Variants in WDPCP observed in about 807,000 individuals in gnomAD.
WDPCP encodes WD repeat-containing and planar cell polarity effector protein fritz homolog.
A neutral mutation model predicts 93.1 loss-of-function variants in WDPCP; 71 were observed. The observed-to-expected ratio is 0.76, with a 90% CI of 0.63 to 0.93. The LOEUF (loss-of-function observed/expected upper bound fraction) is 0.93. Among genes scored for constraint, WDPCP ranks in the 40% least tolerant of loss-of-function variants. The pLI is 0.00. For missense variants in WDPCP, 844 were observed against 887.4 expected, an observed-to-expected ratio of 0.95 and a Z score of 0.62; for synonymous variants, 315 against 315.0, an observed-to-expected ratio of 1.00 and a Z score of 0.00.
intron 14 of WDPCP, among the ~76,000 whole-genome samples, chr2:63,225,269 A>C (rs568063192): frequency 6.6e-6 from 1 of 151,882 alleles, no homozygotes; most frequent in Admixed American, 6.6e-5. Flanking sequence ...AGGGCACCTC[A>C]CAAAAGATAT....
Position 63,205,954 on chromosome 2 carries a change from TGTGG to T in WDPCP, c.1916-31126_1916-31123del, listed in dbSNP as rs534019121. ...TTTTCTCATTCGGTATGTTACCAGCTGTGGGTCTGTCATATATGGCTTTTATTAA... is the reference window on the plus strand; with the variant it reads ...TTTTCTCATTCGGTATGTTACCAGCTGTCTGTCATATATGGCTTTTATTAA... On this transcript the variant is annotated intron_variant, in intron 14 of 17. Coordinates refer to ENST00000272321, the MANE Select transcript of WDPCP (RefSeq NM_015910.7). Among the ~76,000 whole-genome samples the T allele has an allele frequency of 5.3e-5, 8 of 152,356 alleles. No homozygotes were observed. The South Asian group carries it at 1.7e-3, about 32-fold the overall frequency.
intron 12 of WDPCP, among the ~76,000 whole-genome samples, chr2:63,357,625 C>T (rs755896343): frequency 2.0e-5 from 3 of 151,988 alleles, no homozygotes; most frequent in Non-Finnish European, 4.4e-5. Flanking sequence ...GGCAAGGTTG[C>T]GGAGAAAAGA....
intron 1 of WDPCP, among the ~76,000 whole-genome samples, chr2:63,567,420 A>G (rs1359602678): frequency 6.6e-6 from 1 of 152,196 alleles, no homozygotes; most frequent in Non-Finnish European, 1.5e-5. Context: ...GACCAAGTAT[A>G]TATTTCATTT....
At chr2:63,798,964 T>G (rs1670657119) in intron 2 of WDPCP, among the ~76,000 whole-genome samples, 1 of 152,190 alleles carries the variant, frequency 6.6e-6, no homozygotes, top group African/African-American at 2.4e-5. Context: ...CAAGAATTAC[T>G]TATTTTGAAT....
chr2:63,508,230 G>A (rs773882005), intron 1 of WDPCP, among the ~76,000 whole-genome samples: 16 of 152,156 alleles, frequency 1.1e-4, no homozygotes, highest in South Asian at 2.1e-4. Flanking sequence ...GGCTAACAGC[G>A]GATCTCTCTG....
intron 2 of WDPCP, among the ~76,000 whole-genome samples, chr2:63,488,066 G>A (rs1035534623): frequency 6.6e-6 from 1 of 151,990 alleles, no homozygotes; most frequent in African/African-American, 2.4e-5. Flanking sequence ...CTTTGCTGGG[G>A]CTACCTAAGA....
intron 15 of WDPCP, among the ~76,000 whole-genome samples, chr2:63,156,715 G>C (rs1049978865): frequency 6.6e-6 from 1 of 152,160 alleles, no homozygotes; most frequent in African/African-American, 2.4e-5. Flanking sequence ...TCTAGCCTGG[G>C]TGACAGAGCG....
chr2:63,599,211 T>C, intron 3 of WDPCP: 1 of 1,613,854 alleles, frequency 6.2e-7, no homozygotes, highest in Non-Finnish European at 8.5e-7. Flanking sequence ...ACTGCCTGAC[T>C]GCTTCCAAGT....
chr2:63,729,905 G>A (rs114002823), intron 2 of WDPCP, among the ~76,000 whole-genome samples: 1 of 152,272 alleles, frequency 6.6e-6, no homozygotes, highest in African/African-American at 2.4e-5. Context: ...TTATAATGCT[G>A]AAATTCATCA....
At position 63,403,902 on chromosome 2, in the gene WDPCP, A is replaced by C. The variant is rs926294770; in HGVS notation, c.1435+146T>G. The C allele has an allele frequency of 2.9e-5, 32 of 1,099,386 alleles. No individual in the cohort carries two copies. The Admixed American group carries it at 7.3e-4, about 25-fold the overall frequency. The allele number at this position is 1,099,386 out of a possible 1,614,324, so 68.1% of individuals were successfully genotyped here. On this transcript the variant is annotated intron_variant, in intron 10 of 17. Coordinates refer to ENST00000272321, the MANE Select transcript of WDPCP (RefSeq NM_015910.7). ...TGGCAGTTAGAAAGTCATCCACAAA[A>C]GGGAACTATATGGATATTTGAAAGG...
chr2:63,472,337 ATTTTC>A (rs1699740252), intron 6 of WDPCP, among the ~76,000 whole-genome samples: 1 of 150,952 alleles, frequency 6.6e-6, no homozygotes, highest in Non-Finnish European at 1.5e-5. Flanking sequence ...GTTCGGGGAA[ATTTTC>A]TTTTATTATT....
intron 1 of WDPCP, among the ~76,000 whole-genome samples, chr2:63,500,454 G>GTTGTGTGTGT (rs1553412903): frequency 6.7e-6 from 1 of 149,474 alleles, no homozygotes; most frequent in Non-Finnish European, 1.5e-5. Flanking sequence ...ATGGTGTGGG[G>GTTGTGTGTGT]GTGTGTGTGT....
At chr2:63,199,943 C>G (rs544012547) in intron 14 of WDPCP, among the ~76,000 whole-genome samples, 1 of 152,324 alleles carries the variant, frequency 6.6e-6, no homozygotes, top group Admixed American at 6.5e-5. Context: ...CAGAGCTGTC[C>G]AAGGCCTTGG....
chr2:63,520,058 G>A (rs1558746683), intron 1 of WDPCP, among the ~76,000 whole-genome samples: 1 of 152,126 alleles, frequency 6.6e-6, no homozygotes, highest in East Asian at 1.9e-4. Context: ...TGACAGAGCT[G>A]AAAAACACAC....
At chr2:63,651,077 C>T (rs921092777) in intron 2 of WDPCP, among the ~76,000 whole-genome samples, 2 of 152,044 alleles carry the variant, frequency 1.3e-5, no homozygotes, top group African/African-American at 4.8e-5. Flanking sequence ...AAAGACAACA[C>T]CCTTGGAGAT....
At chr2:63,243,862 T>G (rs981450630) in intron 14 of WDPCP, among the ~76,000 whole-genome samples, 7 of 152,068 alleles carry the variant, frequency 4.6e-5, no homozygotes, top group African/African-American at 1.4e-4. Context: ...ACTTGGCCAA[T>G]TAGACCTAAT....
At chr2:63,484,811 G>T in intron 5 of WDPCP, 106 bp downstream of exon 5, 1 of 1,488,636 alleles carries the variant, frequency 6.7e-7, no homozygotes, top group Non-Finnish European at 9.2e-7. Context: ...CAAAAGCAAA[G>T]CTATCATCAC....
At chr2:63,681,106 C>CAT (rs1710487491) in intron 2 of WDPCP, among the ~76,000 whole-genome samples, 1 of 152,128 alleles carries the variant, frequency 6.6e-6, no homozygotes, top group Non-Finnish European at 1.5e-5. Flanking sequence ...AGACCCAGCA[C>CAT]ATTCCCAGCT....
intron 15 of WDPCP, among the ~76,000 whole-genome samples, chr2:63,154,130 C>T (rs1672071099): frequency 6.6e-6 from 1 of 151,780 alleles, no homozygotes; most frequent in Admixed American, 6.6e-5. Flanking sequence ...ATGTCATCAT[C>T]TTTCACTTAT....
Sources: allele counts gnomAD v4.1 joint callset (sites outside exome capture counted in the v4.1 genomes callset), GRCh38; gene constraint gnomAD v4.1.1; transcripts MANE v1.5; gene names NCBI Gene and HGNC (gene_info 2026-07-23, HGNC 2026-07-21).